Variants in CPM observed in about 807,000 individuals in gnomAD.
CPM encodes carboxypeptidase M, also known as renal carboxypeptidase.
Under a neutral mutation model 46.4 loss-of-function variants are expected in CPM, and 35 were observed. The ratio of observed to expected loss-of-function variants is 0.75; its 90% CI spans 0.58 to 1.00. The LOEUF is 1.00. Ranked by LOEUF, CPM falls within the 50% of genes least tolerant of loss-of-function variation. The pLI is 0.00. For missense variants in CPM, 422 were observed against 530.4 expected (o/e 0.80, Z 2.01); for synonymous variants, 195 against 195.3 (o/e 1.00, Z 0.01).
chr12:68,844,690 G>A (rs976141933), intron 5 of CPM: 1 of 222,592 alleles, frequency 4.5e-6, no homozygotes, highest in Non-Finnish European at 9.0e-6. Context: ...GAGCTTGTGG[G>A]CCCCTAAGCC....
intron 2 of CPM, among the ~76,000 whole-genome samples, chr12:68,918,425 G>A (rs1184404160): frequency 1.3e-5 from 2 of 152,154 alleles, no homozygotes; most frequent in Non-Finnish European, 2.9e-5. Flanking sequence ...TACCTCCTGA[G>A]GAGTTCACAA....
intron 2 of CPM, among the ~76,000 whole-genome samples, chr12:68,903,622 T>C (rs2136281423): frequency 6.6e-6 from 1 of 152,358 alleles, no homozygotes; most frequent in South Asian, 2.1e-4. Flanking sequence ...GCACATCTTA[T>C]CTTGATCTTA....
At position 68,852,063 on chromosome 12, in the gene CPM, A is replaced by G. The variant is rs1041632550; in HGVS notation, c.*4374T>C. ...CATCAGATATTTTTACTTTCTAAAC[A>G]GAGCTAACTTGTACCATTTTTAGAA... On this transcript the variant is annotated 3_prime_UTR_variant, in exon 9 of 9. Coordinates refer to ENST00000551568, the MANE Select transcript of CPM (RefSeq NM_198320.5). 27 of 152,242 alleles carry G rather than the reference A, an allele frequency of 1.8e-4. No individual in the cohort carries two copies. The highest frequency in any genetic ancestry group is 5.8e-4 in the African/African-American group (24 of 41,476). The allele number at this position is 152,242 out of a possible 1,614,324, so 9.4% of individuals were successfully genotyped here.
At chr12:68,951,732 C>G (rs1030031351) in intron 1 of CPM, among the ~76,000 whole-genome samples, 1 of 152,070 alleles carries the variant, frequency 6.6e-6, no homozygotes, top group African/African-American at 2.4e-5. Flanking sequence ...GGTGCCAGAG[C>G]CCAGGGAGCA....
chr12:68,884,780 G>A (rs1288479208), intron 3 of CPM, among the ~76,000 whole-genome samples: 1 of 152,042 alleles, frequency 6.6e-6, no homozygotes, highest in African/African-American at 2.4e-5. Context: ...AATATTCTGA[G>A]GAAGCAAGGT....
chr12:68,856,826 G>T, intron 8 of CPM, 147 bp from the exon 9 acceptor site: 2 of 1,051,232 alleles, frequency 1.9e-6, no homozygotes, highest in South Asian at 3.3e-5. Flanking sequence ...AACAGATTTG[G>T]TCCTGCAGGC....
upstream of CPM, among the ~76,000 whole-genome samples, chr12:68,936,540 C>T (rs985914794): frequency 2.0e-5 from 3 of 152,168 alleles, no homozygotes; most frequent in Admixed American, 6.5e-5. Flanking sequence ...CCCACCACCA[C>T]GCCTGGCTAA....
At chr12:68,882,024 C>CTGT (rs61409146) in intron 3 of CPM, among the ~76,000 whole-genome samples, 8,974 of 124,690 alleles carry the variant, frequency 0.072, 696 homozygotes, top group Middle Eastern at 0.11. Flanking sequence ...GCCCGGCCTG[C>CTGT]TTTTTTTTTT....
rs572838142 is a variant in CPM at position 68,893,036 on chromosome 12, T to A, written c.161-7147A>T. Among the ~76,000 whole-genome samples, 6 of 151,334 alleles carry A rather than the reference T, an allele frequency of 4.0e-5. No individual in the cohort carries two copies. The South Asian group carries it at 8.3e-4, about 21-fold the overall frequency. ...ATGCATGCAGGGCTTAAAACCTAGA[T>A]GACAGGTTGATAAGGTGCAGCAAAC... On this transcript the variant is annotated intron_variant, in intron 2 of 8. Coordinates refer to ENST00000551568, the MANE Select transcript of CPM (RefSeq NM_198320.5).
At chr12:68,847,196 T>TTTTATATATATA (rs1884365281), downstream of CPM, 1 of 92,080 alleles carries the variant, frequency 1.1e-5, no homozygotes, top group African/African-American at 5.9e-5. Flanking sequence ...TGTGTGTACA[T>TTTTATATATATA]TATATATATA....
intron 1 of CPM, 66 bp from the exon 2 acceptor site, chr12:68,932,906 A>G: frequency 4.8e-6 from 7 of 1,443,448 alleles, no homozygotes; most frequent in Non-Finnish European, 6.7e-6. Context: ...ATCACCAGCT[A>G]CGTCTCGGTA....
At chr12:68,959,020 A>G (rs1889070380) in intron 1 of CPM, among the ~76,000 whole-genome samples, 1 of 152,104 alleles carries the variant, frequency 6.6e-6, no homozygotes, top group Non-Finnish European at 1.5e-5. Flanking sequence ...GACCACTTAG[A>G]TGTAGCCCCC....
intron 6 of CPM, among the ~76,000 whole-genome samples, chr12:68,868,356 A>G (rs902474221): frequency 6.6e-6 from 1 of 152,170 alleles, no homozygotes; most frequent in Non-Finnish European, 1.5e-5. Flanking sequence ...GCATAAAAAT[A>G]CCAGCTTGTG....
At position 68,911,622 on chromosome 12, in the gene CPM, C is replaced by T. The variant is rs144485568; in HGVS notation, c.160+21056G>A. Among the ~76,000 whole-genome samples, 8 of 152,318 alleles carry T rather than the reference C, an allele frequency of 5.3e-5. No individual in the cohort carries two copies. In the East Asian group the frequency reaches 9.6e-4, roughly 18 times the overall value. On this transcript the variant is annotated intron_variant, in intron 2 of 8. Transcript: ENST00000551568. ...AAACACAAAGCATATGGCAGGGCCACGCTTCAAGGCTGCCAAATATCACAA... is the reference window on the plus strand; with the variant it reads ...AAACACAAAGCATATGGCAGGGCCATGCTTCAAGGCTGCCAAATATCACAA...
chr12:68,909,640 G>A (rs540142039), intron 2 of CPM, among the ~76,000 whole-genome samples: 1 of 152,198 alleles, frequency 6.6e-6, no homozygotes, highest in South Asian at 2.1e-4. Context: ...TATACACCAT[G>A]GAATACTATT....
intron 7 of CPM, among the ~76,000 whole-genome samples, chr12:68,859,981 T>A (rs1268082362): frequency 6.6e-6 from 1 of 152,216 alleles, no homozygotes; most frequent in Non-Finnish European, 1.5e-5. Context: ...AATAGTAAGA[T>A]GATCTTGAAC....
At chr12:68,877,871 C>T (rs1795476) in intron 3 of CPM, among the ~76,000 whole-genome samples, 23,089 of 152,116 alleles carry the variant, frequency 0.15, 3,541 homozygotes, top group African/African-American at 0.39. Flanking sequence ...CCACTGTCTG[C>T]GTAAACCATT....
chr12:68,924,648 A>G (rs1297714244), intron 2 of CPM, among the ~76,000 whole-genome samples: 2 of 152,104 alleles, frequency 1.3e-5, no homozygotes, highest in African/African-American at 4.8e-5. Flanking sequence ...TTATAGCTGA[A>G]TTTCCTAGAT....
rs1206035524 is a variant in CPM at position 68,855,851 on chromosome 12, GTC to G, written c.*584_*585del. ...CCTCTAGGGTTCAAGCGATTCTCCT[GTC>G]TCAGCCTCCTGAAAGGCTGCGATTA... On this transcript the variant is annotated 3_prime_UTR_variant, in exon 9 of 9. Coordinates refer to ENST00000551568, the MANE Select transcript of CPM (RefSeq NM_198320.5). The G allele has an allele frequency of 6.6e-6, 1 of 152,298 alleles. No individual in the cohort carries two copies. The highest frequency in any genetic ancestry group is 1.5e-5 in the Non-Finnish European group (1 of 68,610). The allele number at this position is 152,298 out of a possible 1,614,324, so 9.4% of individuals were successfully genotyped here.
Sources: allele counts gnomAD v4.1 joint callset (sites outside exome capture counted in the v4.1 genomes callset), GRCh38; gene constraint gnomAD v4.1.1; transcripts MANE v1.5; gene names NCBI Gene and HGNC (gene_info 2026-07-23, HGNC 2026-07-21).